The following DLC1 variants were observed in gnomAD, a reference collection of about 807,000 sequenced individuals.
DLC1 encodes rho GTPase-activating protein 7.
DLC1 carries 54 observed loss-of-function variants against 140.3 expected under a neutral mutation model. The ratio of observed to expected loss-of-function variants is 0.38; its 90% CI spans 0.31 to 0.48. DLC1 has a LOEUF of 0.48. DLC1 is among the 20% of genes least tolerant of loss of function. DLC1 has a pLI of 0.96. For missense variants in DLC1, 2,536 were observed against 1,907.0 expected, an observed-to-expected ratio of 1.33 and a Z score of -6.14; for synonymous variants, 986 against 728.1, an observed-to-expected ratio of 1.35 and a Z score of -5.70.
chr8:13,154,467 G>T (rs115566502), intron 5 of DLC1, among the ~76,000 whole-genome samples: 3,699 of 152,328 alleles, frequency 0.024, 138 homozygotes, highest in African/African-American at 0.084. Context: ...GCCCAGGGCC[G>T]GCGGTGCCGG....
At chr8:13,144,916 A>G (rs900043048) in intron 5 of DLC1, among the ~76,000 whole-genome samples, 6 of 152,236 alleles carry the variant, frequency 3.9e-5, no homozygotes, top group African/African-American at 4.8e-5. Context: ...TCCATGAGCA[A>G]AATAACTGAT....
Position 13,100,457 on chromosome 8 carries a change from G to C in DLC1, c.1880C>G (p.Ser627Cys). The change falls in exon 9 of 18, where the codon TCC becomes TGC. Residue 627 changes from serine (S) to cysteine (C), a missense_variant. Coordinates refer to ENST00000276297, the MANE Select transcript of DLC1 (RefSeq NM_182643.3). Reference sequence around the variant, plus strand: ...GTCGTCATTGCCTGCCAAGTTGCTGGAGGAGCAAACGCTGATGACGGAGTT... The same window carrying C: ...GTCGTCATTGCCTGCCAAGTTGCTGCAGGAGCAAACGCTGATGACGGAGTT... The part of the protein sequence containing the change: ...RTNSVISVCS[S>C]SNLAGNDDSF... 2 of 1,613,760 alleles carry C rather than the reference G, an allele frequency of 1.2e-6. No homozygotes were observed. The highest frequency in any genetic ancestry group is 1.7e-6 in the Non-Finnish European group (2 of 1,180,036).
At chr8:13,550,278 G>A (rs541653580) in intron 1 of DLC1, among the ~76,000 whole-genome samples, 2 of 152,032 alleles carry the variant, frequency 1.3e-5, no homozygotes, top group African/African-American at 4.8e-5. Context: ...CTCACACTGT[G>A]CTTCTCTCCC....
At chr8:13,236,502 A>G (rs1829290172) in intron 5 of DLC1, among the ~76,000 whole-genome samples, 1 of 152,130 alleles carries the variant, frequency 6.6e-6, no homozygotes, top group African/African-American at 2.4e-5. Context: ...CGTTTTACCC[A>G]TTCCCACAGG....
chr8:13,090,244 A>G lies in DLC1; in HGVS notation c.4074+8T>C. 1 of 1,612,654 alleles carries G rather than the reference A, an allele frequency of 6.2e-7. No individual in the cohort carries two copies. ...ACTCAACTAGCCGACAACAGGGTGA[A>G]GCCTTACCTTCTTATAGGACAGCTC... On this transcript the variant is annotated splice_region_variant and intron_variant, in intron 15 of 17. Coordinates refer to ENST00000276297, the MANE Select transcript of DLC1 (RefSeq NM_182643.3).
rs1563401884 is a variant in DLC1, at chr8:13,500,014, G to T, written c.58C>A (p.Gln20Lys). ...TTACGATCATCAGAATTAAAAGGCT[G>T]TCCCATCCAGTGGGTCACATGTTCT... ...WEEHVTHWMGQPFNSDDRNTA... is the reference protein window; with the variant it reads ...WEEHVTHWMGKPFNSDDRNTA... The change falls in exon 2 of 18, where the codon CAG becomes AAG. Residue 20 changes from glutamine (Q) to lysine (K), a missense_variant. Transcript: ENST00000276297. 1 of 1,614,072 alleles carries T rather than the reference G, an allele frequency of 6.2e-7. No homozygotes were observed. The highest frequency in any genetic ancestry group is 8.5e-7 in the Non-Finnish European group (1 of 1,179,972).
intron 4 of DLC1, among the ~76,000 whole-genome samples, chr8:13,371,329 C>G (rs144583181): frequency 1.6e-3 from 238 of 152,166 alleles, no homozygotes; most frequent in African/African-American, 5.3e-3. Flanking sequence ...GTATTCTGTC[C>G]CCATTCAAAA....
chr8:13,473,498 G>A (rs1299541223), intron 2 of DLC1, among the ~76,000 whole-genome samples: 1 of 152,164 alleles, frequency 6.6e-6, no homozygotes, highest in Non-Finnish European at 1.5e-5. Context: ...GCGGGGTGCT[G>A]CTGTATATAC....
intron 5 of DLC1, among the ~76,000 whole-genome samples, chr8:13,174,839 C>T (rs752673655): frequency 6.6e-6 from 1 of 151,742 alleles, no homozygotes; most frequent in South Asian, 2.1e-4. Flanking sequence ...TTTTTTTTTG[C>T]TGTGCAGAAG....
intron 4 of DLC1, among the ~76,000 whole-genome samples, chr8:13,311,316 T>C (rs991597057): frequency 5.3e-5 from 8 of 152,184 alleles, no homozygotes; most frequent in Non-Finnish European, 1.2e-4. Flanking sequence ...TTCATAAGAC[T>C]GATGAAGCCA....
intron 5 of DLC1, among the ~76,000 whole-genome samples, chr8:13,129,101 CTT>C (rs1821861454): frequency 6.6e-6 from 1 of 152,172 alleles, no homozygotes; most frequent in Non-Finnish European, 1.5e-5. Flanking sequence ...AATCTAAACC[CTT>C]TTACATTAAC....
chr8:13,321,177 C>T (rs1040269736), intron 4 of DLC1, among the ~76,000 whole-genome samples: 3 of 152,138 alleles, frequency 2.0e-5, no homozygotes, highest in Admixed American at 6.5e-5. Context: ...AAAATACTTA[C>T]GTCTATTCAC....
intron 5 of DLC1, among the ~76,000 whole-genome samples, chr8:13,271,240 C>G (rs1437180518): frequency 6.6e-6 from 1 of 152,164 alleles, no homozygotes; most frequent in African/African-American, 2.4e-5. Context: ...TGTTTGTTTA[C>G]TAGAGGAGGC....
At chr8:13,222,431 G>A (rs1828602111) in intron 5 of DLC1, among the ~76,000 whole-genome samples, 1 of 152,024 alleles carries the variant, frequency 6.6e-6, no homozygotes, top group Admixed American at 6.6e-5. Flanking sequence ...GTTTTATGTA[G>A]GTTAGACACA....
intron 2 of DLC1, among the ~76,000 whole-genome samples, chr8:13,462,664 C>G (rs1163804886): frequency 1.3e-5 from 2 of 152,100 alleles, no homozygotes; most frequent in Admixed American, 6.5e-5. Flanking sequence ...CCTCGGTCTC[C>G]CAAAGTGCTG....
At chr8:13,163,045 C>G (rs1210107536) in intron 5 of DLC1, among the ~76,000 whole-genome samples, 1 of 152,152 alleles carries the variant, frequency 6.6e-6, no homozygotes, top group African/African-American at 2.4e-5. Flanking sequence ...CTAAGTAGGG[C>G]TTTGAGACAC....
chr8:13,381,744 C>A (rs1836272620), intron 4 of DLC1, among the ~76,000 whole-genome samples: 1 of 152,154 alleles, frequency 6.6e-6, no homozygotes, highest in Non-Finnish European at 1.5e-5. Context: ...GAACAAAACA[C>A]TACTGAATTC....
intron 6 of DLC1, among the ~76,000 whole-genome samples, chr8:13,111,546 G>A (rs13274488): frequency 0.41 from 61,753 of 151,964 alleles, 13,511 homozygotes; most frequent in South Asian, 0.54. Flanking sequence ...GAAAACAGTC[G>A]ACTCAATGGA....
At chr8:13,212,437 G>A (rs556609115) in intron 5 of DLC1, among the ~76,000 whole-genome samples, 1 of 152,254 alleles carries the variant, frequency 6.6e-6, no homozygotes, top group Admixed American at 6.5e-5. Context: ...TTATTGCTAT[G>A]TCTCTAGTGC....
Sources: allele counts gnomAD v4.1 joint callset (sites outside exome capture counted in the v4.1 genomes callset), GRCh38; gene constraint gnomAD v4.1.1; transcripts MANE v1.5; gene names NCBI Gene and HGNC (gene_info 2026-07-23, HGNC 2026-07-21).